MYO18B: variants seen among roughly 807,000 people sequenced by gnomAD.
The protein encoded by MYO18B is unconventional myosin-XVIIIb.
MYO18B carries 204 observed loss-of-function variants against 273.0 expected under a neutral mutation model. The ratio of observed to expected loss-of-function variants is 0.75; its 90% CI spans 0.67 to 0.84. The LOEUF (loss-of-function observed/expected upper bound fraction) is 0.84, where lower values mean the gene tolerates loss of function less well. Ranked by LOEUF, MYO18B falls within the 40% of genes least tolerant of loss-of-function variation. The pLI, the probability that MYO18B is intolerant of heterozygous loss-of-function variation, is 0.00. For synonymous variants in MYO18B, 1,330 were observed against 1,305.7 expected, an observed-to-expected ratio of 1.02 and a Z score of -0.40; for missense variants, 3,212 against 3,287.6, an observed-to-expected ratio of 0.98 and a Z score of 0.56.
chr22:25,915,832 A>G (rs2092253381), intron 33 of MYO18B, among the ~76,000 whole-genome samples: 1 of 152,214 alleles, frequency 6.6e-6, no homozygotes, highest in Non-Finnish European at 1.5e-5. Context: ...AACCAGGCAC[A>G]TAAGTAAGAT....
chr22:26,021,137 G>A (rs542890794), intron 42 of MYO18B, among the ~76,000 whole-genome samples: 1 of 152,206 alleles, frequency 6.6e-6, no homozygotes, highest in Admixed American at 6.5e-5. Context: ...GACAGAGCTG[G>A]GATTTGAACT....
intron 12 of MYO18B, among the ~76,000 whole-genome samples, chr22:25,804,945 G>C (rs1412405150): frequency 2.6e-5 from 4 of 152,186 alleles, no homozygotes; most frequent in Admixed American, 6.5e-5. Flanking sequence ...CAAAAGGTGT[G>C]GTGGGCTTGC....
chr22:25,835,895 G>T (rs913843846), intron 17 of MYO18B, among the ~76,000 whole-genome samples: 3 of 152,258 alleles, frequency 2.0e-5, no homozygotes, highest in African/African-American at 7.2e-5. Flanking sequence ...TGCTGGTCAT[G>T]CAAAGGTCTT....
intron 19 of MYO18B, among the ~76,000 whole-genome samples, chr22:25,847,078 C>CAAAAAA (rs35672001): frequency 7.2e-6 from 1 of 139,306 alleles, no homozygotes; most frequent in Admixed American, 7.2e-5. Flanking sequence ...GACTCTGTCT[C>CAAAAAA]AAAAAAAAAA....
intron 34 of MYO18B, among the ~76,000 whole-genome samples, chr22:25,941,665 C>T (rs2092645784): frequency 6.6e-6 from 1 of 152,234 alleles, no homozygotes; most frequent in Non-Finnish European, 1.5e-5. Flanking sequence ...CTTTCTGCTC[C>T]CTAAAGTGCA....
At chr22:25,870,700 T>A (rs1012643002) in intron 22 of MYO18B, among the ~76,000 whole-genome samples, 9 of 152,114 alleles carry the variant, frequency 5.9e-5, no homozygotes, top group Non-Finnish European at 2.9e-5. Context: ...ACCAGCAGCA[T>A]CAGCATCGCC....
At chr22:25,955,760 C>A (rs1373775142) in intron 39 of MYO18B, among the ~76,000 whole-genome samples, 1 of 152,062 alleles carries the variant, frequency 6.6e-6, no homozygotes, top group Non-Finnish European at 1.5e-5. Context: ...CTATAATCCT[C>A]ATGTCAGCCC....
the MYO18B span, among the ~76,000 whole-genome samples, chr22:26,040,262 A>G: frequency 6.6e-6 from 1 of 152,128 alleles, no homozygotes; most frequent in African/African-American, 2.4e-5. Flanking sequence ...TCGCTGGTCC[A>G]TGTCCGCCCT....
At chr22:25,891,533 GC>G in intron 27 of MYO18B, 121 bp downstream of exon 27, 2 of 654,708 alleles carry the variant, frequency 3.1e-6, no homozygotes, top group Middle Eastern at 4.1e-4. Context: ...TGCGACTTTG[GC>G]AGAGCAAACA....
At chr22:25,845,234 C>T (rs5752231) in intron 18 of MYO18B, among the ~76,000 whole-genome samples, 90,487 of 152,090 alleles carry the variant, frequency 0.59, 28,070 homozygotes, top group East Asian at 0.77. Context: ...AGCTGGCACC[C>T]TTGGCCGGGC....
chr22:25,861,540 G>T (rs1439120737), intron 21 of MYO18B, among the ~76,000 whole-genome samples: 1 of 151,962 alleles, frequency 6.6e-6, no homozygotes, highest in African/African-American at 2.4e-5. Flanking sequence ...ACCTATCTTT[G>T]TATCTAACTG....
chr22:25,761,279 C>T (rs1303691032), intron 2 of MYO18B, 148 bp downstream of exon 2: 1 of 927,010 alleles, frequency 1.1e-6, no homozygotes, highest in African/African-American at 1.6e-5. Context: ...AACCTTCTCC[C>T]AGCCAGCTCG....
At chr22:25,833,478 C>T (rs2089787134) in intron 16 of MYO18B, among the ~76,000 whole-genome samples, 10 of 152,158 alleles carry the variant, frequency 6.6e-5, no homozygotes, top group Admixed American at 6.5e-4. Flanking sequence ...TTGAGGGAAA[C>T]TGAGTCTTTA....
chr22:25,991,044 T>C (rs1341449460), intron 39 of MYO18B, among the ~76,000 whole-genome samples: 2 of 152,182 alleles, frequency 1.3e-5, no homozygotes, highest in Non-Finnish European at 2.9e-5. Flanking sequence ...GTTTGCTTCA[T>C]GTTATTTCAA....
At chr22:25,886,652 T>C (rs1453285887) in intron 25 of MYO18B, among the ~76,000 whole-genome samples, 1 of 152,172 alleles carries the variant, frequency 6.6e-6, no homozygotes, top group Non-Finnish European at 1.5e-5. Flanking sequence ...CTCTCTGGGC[T>C]ATGGCTGCCT....
chr22:25,769,943 T>A (rs1348455234), intron 4 of MYO18B, 167 bp from the exon 5 acceptor site: 2 of 662,294 alleles, frequency 3.0e-6, no homozygotes, highest in Non-Finnish European at 5.4e-6. Context: ...ACCTCCCGGG[T>A]CCGCAACGGG....
intron 39 of MYO18B, among the ~76,000 whole-genome samples, chr22:25,968,811 C>T (rs932757692): frequency 5.3e-5 from 8 of 152,112 alleles, no homozygotes; most frequent in Non-Finnish European, 8.8e-5. Flanking sequence ...ACGGACCAGA[C>T]GACTTTTAAA....
At chr22:25,820,193 C>T (rs6004774) in intron 12 of MYO18B, among the ~76,000 whole-genome samples, 38,978 of 149,660 alleles carry the variant, frequency 0.26, 5,412 homozygotes, top group African/African-American at 0.36. Flanking sequence ...ATCTATAAAA[C>T]GAGCATAGTC....
chr22:25,881,115 C>G (rs1030800031), intron 25 of MYO18B, among the ~76,000 whole-genome samples: 2 of 152,202 alleles, frequency 1.3e-5, no homozygotes. Flanking sequence ...TGTTGATAAC[C>G]CAAGTTGAGC....
Sources: allele counts gnomAD v4.1 joint callset (sites outside exome capture counted in the v4.1 genomes callset), GRCh38; gene constraint gnomAD v4.1.1; transcripts MANE v1.5; gene names NCBI Gene and HGNC (gene_info 2026-07-23, HGNC 2026-07-21).